Variants in PCDHA1 observed in about 807,000 individuals in gnomAD.
PCDHA1 encodes the protein protocadherin alpha 1.
In PCDHA1, 42 loss-of-function variants were observed where a neutral mutation model predicts 61.3. The observed-to-expected ratio is 0.69, with a 90% CI of 0.54 to 0.89. The LOEUF is 0.89. Ranked by LOEUF, PCDHA1 falls within the 40% of genes least tolerant of loss-of-function variation. The probability of loss-of-function intolerance (pLI) is 0.00; values close to 1 mark genes in which losing one functional copy is unlikely to be tolerated. For missense variants in PCDHA1, 1,256 were observed against 1,235.3 expected (o/e 1.02, Z -0.25); for synonymous variants, 610 against 553.8 (o/e 1.10, Z -1.43).
chr5:140,957,104 C>T (rs2095333785), intron 1 of PCDHA1, among the ~76,000 whole-genome samples: 1 of 152,104 alleles, frequency 6.6e-6, no homozygotes, highest in Non-Finnish European at 1.5e-5. Context: ...TTGCTATGGA[C>T]ATGATTCTGT....
chr5:140,941,201 TC>T (rs1462646812), intron 1 of PCDHA1, among the ~76,000 whole-genome samples: 2 of 103,500 alleles, frequency 1.9e-5, no homozygotes, highest in African/African-American at 7.9e-5. Context: ...TTTTCTTTCT[TC>T]CTTTCTTTCT....
At chr5:140,894,133 A>G (rs782349927) in intron 1 of PCDHA1, among the ~76,000 whole-genome samples, 14 of 152,166 alleles carry the variant, frequency 9.2e-5, no homozygotes, top group Non-Finnish European at 1.8e-4. Flanking sequence ...ATAACTTGAA[A>G]TAATTCCCTT....
intron 1 of PCDHA1, among the ~76,000 whole-genome samples, chr5:140,917,338 G>GGGGGGGGTGGGT (rs2078134893): frequency 7.3e-6 from 1 of 137,894 alleles, no homozygotes; most frequent in Non-Finnish European, 1.6e-5. Flanking sequence ...GGAGGGGGGG[G>GGGGGGGGTGGGT]ATGGTGTAGG....
chr5:140,802,460 T>A, intron 1 of PCDHA1: 1 of 1,614,154 alleles, frequency 6.2e-7, no homozygotes, highest in Non-Finnish European at 8.5e-7. Context: ...TGTCGGCCTA[T>A]GAGCTGGTGG....
intron 1 of PCDHA1, among the ~76,000 whole-genome samples, chr5:140,959,833 T>C (rs539062460): frequency 1.3e-5 from 2 of 152,366 alleles, no homozygotes; most frequent in East Asian, 3.9e-4. Context: ...TAATGTATTA[T>C]GCCTGTAACT....
Position 141,010,319 on chromosome 5 carries a change from C to G in PCDHA1, c.*382C>G. The G allele has an allele frequency of 6.5e-7, 1 of 1,545,436 alleles. No individual in the cohort carries two copies. Among genetic ancestry groups the G allele is most frequent in the South Asian group, 1.2e-5 (1 of 83,248 alleles). On this transcript the variant is annotated 3_prime_UTR_variant, in exon 4 of 4. Coordinates refer to ENST00000504120, the MANE Select transcript of PCDHA1 (RefSeq NM_018900.4). ...CAGGCTGAAAAGTTTTGAGATTGAG[C>G]AGCTTGGGAGTTTGTGGCCACTGGG...
intron 1 of PCDHA1, among the ~76,000 whole-genome samples, chr5:140,976,780 A>G (rs2096731008): frequency 6.6e-6 from 1 of 152,224 alleles, no homozygotes; most frequent in Non-Finnish European, 1.5e-5. Context: ...CTCTGACTAT[A>G]TAGCTACGCT....
At chr5:140,909,438 T>C (rs2074496860) in intron 1 of PCDHA1, among the ~76,000 whole-genome samples, 1 of 152,222 alleles carries the variant, frequency 6.6e-6, no homozygotes, top group Non-Finnish European at 1.5e-5. Context: ...GATAATCCAC[T>C]GTCATTCTCC....
Position 140,801,445 on chromosome 5 carries a change from T to C in PCDHA1, c.2394+12761T>C, listed in dbSNP as rs546691914. ...CTGGAGGTAAATCTGCAGAATGGCA[T>C]TTTGTTTGTGAATTCTCGGATAGAC... On this transcript the variant is annotated intron_variant, in intron 1 of 3. Transcript: ENST00000504120. 1.9e-6 allele frequency: 3 copies of C among 1,613,942 alleles called. No homozygotes were observed. In the East Asian group the frequency reaches 6.7e-5, roughly 36 times the overall value.
At chr5:140,984,177 A>G (rs1337365733) in intron 3 of PCDHA1, among the ~76,000 whole-genome samples, 3 of 152,190 alleles carry the variant, frequency 2.0e-5, no homozygotes, top group Non-Finnish European at 4.4e-5. Context: ...AAGCCACGTG[A>G]AATCATGACT....
chr5:140,801,897 G>A, intron 1 of PCDHA1: 1 of 1,614,178 alleles, frequency 6.2e-7, no homozygotes, highest in Non-Finnish European at 8.5e-7. Context: ...CACTGTTTTA[G>A]ATGTAAACGA....
intron 1 of PCDHA1, among the ~76,000 whole-genome samples, chr5:140,908,583 T>C (rs1245727862): frequency 1.3e-5 from 2 of 152,088 alleles, no homozygotes; most frequent in Admixed American, 1.3e-4. Context: ...GGAGAGTAGT[T>C]AGCTGCAGAA....
chr5:140,972,152 A>AT (rs1203762947), intron 1 of PCDHA1, among the ~76,000 whole-genome samples: 3 of 151,770 alleles, frequency 2.0e-5, no homozygotes, highest in East Asian at 3.9e-4. Context: ...TTTTATTTTT[A>AT]TTTTTTTGAG....
chr5:140,946,019 C>CA (rs1222084270), intron 1 of PCDHA1, among the ~76,000 whole-genome samples: 3 of 151,732 alleles, frequency 2.0e-5, no homozygotes, highest in Non-Finnish European at 4.4e-5. Flanking sequence ...TCCTGCGCAG[C>CA]AAAGAAAACA....
chr5:140,927,946 G>A (rs1341193072), intron 1 of PCDHA1: 1 of 1,614,096 alleles, frequency 6.2e-7, no homozygotes, highest in East Asian at 2.2e-5. Context: ...AGTACCTGAG[G>A]ACGCTGCCCC....
Position 140,851,565 on chromosome 5 carries a change from G to A in PCDHA1, c.2394+62881G>A, listed in dbSNP as rs558874725. 1.9e-4 allele frequency: 177 copies of A among 908,116 alleles called. 7 individuals carry two copies. The African/African-American group carries it at 3.0e-3, about 15-fold the overall frequency. The allele number at this position is 908,116 out of a possible 1,614,324, so 56.3% of individuals were successfully genotyped here. ...TTCAAGAAATGTTGACTGAAATTTT[G>A]TCTACACTTAGAACATTTTTTGAAA... On this transcript the variant is annotated intron_variant, in intron 1 of 3. Coordinates refer to ENST00000504120, the MANE Select transcript of PCDHA1 (RefSeq NM_018900.4).
intron 1 of PCDHA1, chr5:140,801,356 G>C: frequency 6.2e-7 from 1 of 1,613,398 alleles, no homozygotes. Flanking sequence ...AGGACCTGGG[G>C]CTGGAGCTGG....
Position 140,857,105 on chromosome 5 carries a change from T to G in PCDHA1, c.2394+68421T>G. On this transcript the variant is annotated intron_variant, in intron 1 of 3. Transcript: ENST00000504120. The stretch of plus-strand genomic sequence containing the variant: ...TAATTCACCTGAGGTGATTGTCACT[T>G]CTCTGTCTCTCCCAGTGAAAGAAGA... The G allele has an allele frequency of 1.9e-6, 3 of 1,597,820 alleles. 1 individual carries two copies. Among genetic ancestry groups the G allele is most frequent in the Non-Finnish European group, 2.6e-6 (3 of 1,167,424 alleles).
At chr5:140,839,307 C>A (rs1554137377) in intron 1 of PCDHA1, among the ~76,000 whole-genome samples, 1 of 151,838 alleles carries the variant, frequency 6.6e-6, no homozygotes, top group African/African-American at 2.4e-5. Flanking sequence ...TTTAAATATC[C>A]TATTTATATT....
Sources: allele counts gnomAD v4.1 joint callset (sites outside exome capture counted in the v4.1 genomes callset), GRCh38; gene constraint gnomAD v4.1.1; transcripts MANE v1.5; gene names NCBI Gene and HGNC (gene_info 2026-07-23, HGNC 2026-07-21).